The following EFHC1 variants were observed in gnomAD, a reference collection of about 807,000 sequenced individuals.
EFHC1 encodes the protein EF-hand domain-containing protein 1.
A neutral mutation model predicts 69.9 loss-of-function variants in EFHC1; 53 were observed. That is an observed-to-expected ratio of 0.76 (90% CI 0.61 to 0.95). EFHC1 has a LOEUF of 0.95. Among genes scored for constraint, EFHC1 ranks in the 40% least tolerant of loss-of-function variants. EFHC1 has a pLI of 0.00. For synonymous variants in EFHC1, 256 were observed against 278.4 expected (o/e 0.92, Z 0.80); for missense variants, 739 against 798.7 (o/e 0.93, Z 0.90).
At chr6:52,427,264 C>G (rs1764320058) in intron 2 of EFHC1, among the ~76,000 whole-genome samples, 1 of 152,172 alleles carries the variant, frequency 6.6e-6, no homozygotes, top group South Asian at 2.1e-4. Context: ...TCTACAGGTT[C>G]CTCACAGCCC....
intron 2 of EFHC1, among the ~76,000 whole-genome samples, chr6:52,432,377 C>G (rs1262196644): frequency 1.3e-5 from 2 of 152,100 alleles, no homozygotes; most frequent in Non-Finnish European, 2.9e-5. Flanking sequence ...CTCTTTTTAG[C>G]AGTTCTTGTA....
chr6:52,455,252 G>A (rs1765017015), intron 5 of EFHC1, among the ~76,000 whole-genome samples: 1 of 152,196 alleles, frequency 6.6e-6, no homozygotes, highest in Non-Finnish European at 1.5e-5. Context: ...TTGGTCACAT[G>A]TAATGACTGA....
chr6:52,447,301 T>C (rs1434899786), intron 3 of EFHC1, among the ~76,000 whole-genome samples: 1 of 152,220 alleles, frequency 6.6e-6, no homozygotes, highest in African/African-American at 2.4e-5. Flanking sequence ...TCTCACTTCA[T>C]TTCATTCATT....
intron 2 of EFHC1, among the ~76,000 whole-genome samples, chr6:52,431,529 T>A (rs1764414169): frequency 6.6e-6 from 1 of 152,164 alleles, no homozygotes; most frequent in East Asian, 1.9e-4. Flanking sequence ...CCTTTTGGAG[T>A]TGACGTCCAA....
At chr6:52,464,870 T>TC in intron 5 of EFHC1, 25 bp from the exon 6 acceptor site, 1 of 1,597,838 alleles carries the variant, frequency 6.3e-7, no homozygotes, top group East Asian at 2.2e-5. Flanking sequence ...CTTCTTTTTT[T>TC]CTCTCTAACA....
chr6:52,425,060 G>A (rs1422946972), intron 2 of EFHC1, among the ~76,000 whole-genome samples: 2 of 152,168 alleles, frequency 1.3e-5, no homozygotes, highest in African/African-American at 4.8e-5. Context: ...TTGTAAGCTA[G>A]AGGCTGGGGA....
intron 5 of EFHC1, 69 bp downstream of exon 5, chr6:52,454,356 A>T: frequency 6.3e-7 from 1 of 1,598,032 alleles, no homozygotes; most frequent in Non-Finnish European, 8.6e-7. Context: ...TTACTTAATC[A>T]GTATGCAAAA....
intron 9 of EFHC1, among the ~76,000 whole-genome samples, chr6:52,480,290 T>C (rs2114025151): frequency 6.6e-6 from 1 of 152,268 alleles, no homozygotes; most frequent in Non-Finnish European, 1.5e-5. Context: ...TCGTGTTGAG[T>C]AGGCTGAGAA....
rs142291682 is a variant in EFHC1, at chr6:52,479,626, T to C, written c.1493-14T>C. ...AACATCACCAAGCTAAGTGTGTTGC[T>C]ACCTTCTCTCCAGTGTTTGGTCACC... is the stretch of plus-strand genomic sequence containing the variant. On this transcript the variant is annotated splice_polypyrimidine_tract_variant and intron_variant, in intron 8 of 10. Coordinates refer to ENST00000371068, the MANE Select transcript of EFHC1 (RefSeq NM_018100.4). 18 of 1,614,098 alleles carry C rather than the reference T, an allele frequency of 1.1e-5. No individual in the cohort carries two copies. The highest frequency in any genetic ancestry group is 1.5e-5 in the Non-Finnish European group (18 of 1,180,028).
chr6:52,431,682 G>A (rs934713117), intron 2 of EFHC1, among the ~76,000 whole-genome samples: 4 of 152,152 alleles, frequency 2.6e-5, no homozygotes, highest in Non-Finnish European at 4.4e-5. Flanking sequence ...TTCTGCGGTT[G>A]TTGGGTAGAA....
intron 7 of EFHC1, among the ~76,000 whole-genome samples, chr6:52,469,790 A>T (rs1202996085): frequency 6.6e-6 from 1 of 152,070 alleles, no homozygotes; most frequent in Admixed American, 6.5e-5. Flanking sequence ...TATTCAAACC[A>T]TGTGTGTATC....
Position 52,479,693 on chromosome 6 carries a change from A to C in EFHC1, c.1546A>C (p.Met516Leu), listed in dbSNP as rs768684304. 3 of 1,614,218 alleles carry C rather than the reference A, an allele frequency of 1.9e-6. No homozygotes were observed. The highest frequency in any genetic ancestry group is 1.7e-5 in the Admixed American group (1 of 60,022). ...LDTDEYVLKY[M>L]ESNAAQYSPE... ...TACAGACGAGTATGTTTTGAAATAC[A>C]TGGAGAGCAACGCTGCCCAGTATTC... Residue 516 changes from methionine to leucine, a missense_variant, in exon 9 of 11, where the codon ATG becomes CTG. Coordinates refer to ENST00000371068, the MANE Select transcript of EFHC1 (RefSeq NM_018100.4).
Position 52,420,433 on chromosome 6 carries a change from G to A in EFHC1, c.23G>A (p.Gly8Asp). 1.2e-6 allele frequency: 2 copies of A among 1,614,212 alleles called. No homozygotes were observed. The highest frequency in any genetic ancestry group is 1.7e-6 in the Non-Finnish European group (2 of 1,180,038). Residue 8 changes from glycine (G) to aspartate (D), a missense_variant, in exon 1 of 11, where the codon GGC becomes GAC. Gly to Asp is a moderately conservative substitution (Grantham distance 94). Transcript: ENST00000371068. MVSNPVH[G>D]LPFLPGTSFK... ...GCAATGGTGTCCAATCCCGTGCATG[G>A]CTTGCCCTTTCTTCCGGGCACGTCC...
Position 52,438,476 on chromosome 6 carries a change from G to A in EFHC1, c.458G>A (p.Arg153Gln), listed in dbSNP as rs745600475. ...CAAGGCAAGTTAATAAAACGCCAGC[G>A]GCTAGCCAAGAATGACCGGGGTGAC... ...ILQGKLIKRQ[R>Q]LAKNDRGDHY... Residue 153 changes from arginine (R) to glutamine (Q), a missense_variant, in exon 3 of 11, where the codon CGG becomes CAG. By Grantham distance (43) the Arg-to-Gln change is conservative. Coordinates refer to ENST00000371068, the MANE Select transcript of EFHC1 (RefSeq NM_018100.4). The A allele has an allele frequency of 8.7e-6, 14 of 1,613,884 alleles. No homozygotes were observed. Among genetic ancestry groups the A allele is most frequent in the Admixed American group, 6.7e-5 (4 of 59,962 alleles).
Position 52,494,783 on chromosome 6 carries a change from A to G in EFHC1, c.*2442A>G, listed in dbSNP as rs1161122205. On this transcript the variant is annotated 3_prime_UTR_variant, in exon 11 of 11. Transcript: ENST00000371068. ...CAATGTTTAGCTCCCACTTAGAAGT[A>G]AGAACATGCAATATTTGGTTTCCTA... The G allele has an allele frequency of 2.2e-6, 1 of 451,668 alleles. No homozygotes were observed. Among genetic ancestry groups the G allele is most frequent in the Non-Finnish European group, 4.4e-6 (1 of 224,946 alleles). 28.0% of individuals were successfully genotyped at this position (451,668 alleles called of 1,614,324 possible).
intron 2 of EFHC1, among the ~76,000 whole-genome samples, chr6:52,437,005 G>T (rs1038667108): frequency 6.6e-6 from 1 of 152,104 alleles, no homozygotes; most frequent in African/African-American, 2.4e-5. Context: ...CATTGATGAT[G>T]ATGCTCCCCA....
At chr6:52,461,381 TC>T (rs1191813507) in intron 5 of EFHC1, among the ~76,000 whole-genome samples, 1 of 152,228 alleles carries the variant, frequency 6.6e-6, no homozygotes, top group Non-Finnish European at 1.5e-5. Flanking sequence ...GCATCCATGT[TC>T]CTGCACAGGA....
chr6:52,493,951 C>G lies in EFHC1; in HGVS notation c.*1610C>G. The G allele has an allele frequency of 2.2e-6, 1 of 454,058 alleles. No individual in the cohort carries two copies. The highest frequency in any genetic ancestry group is 4.4e-6 in the Non-Finnish European group (1 of 226,782). The allele number at this position is 454,058 out of a possible 1,614,324, so 28.1% of individuals were successfully genotyped here. A position where few individuals can be genotyped will look rare whatever the true frequency, so the allele number is the denominator to read the frequency against. On this transcript the variant is annotated 3_prime_UTR_variant, in exon 11 of 11. Coordinates refer to ENST00000371068, the MANE Select transcript of EFHC1 (RefSeq NM_018100.4). The stretch of plus-strand genomic sequence containing the variant: ...GTGTTTCCTTCCCTAACGAGCTCAG[C>G]CACTTGTAACCAGCTTATTGAAAGG...
intron 6 of EFHC1, among the ~76,000 whole-genome samples, chr6:52,467,406 CCCTA>C (rs1337676585): frequency 4.6e-5 from 7 of 152,046 alleles, no homozygotes; most frequent in Non-Finnish European, 8.8e-5. Flanking sequence ...GTCTGGAACT[CCCTA>C]CCTCAGGTGA....
Sources: allele counts gnomAD v4.1 joint callset (sites outside exome capture counted in the v4.1 genomes callset), GRCh38; gene constraint gnomAD v4.1.1; transcripts MANE v1.5; gene names NCBI Gene and HGNC (gene_info 2026-07-23, HGNC 2026-07-21).